MTHFD1L: variants seen among roughly 807,000 people sequenced by gnomAD.
MTHFD1L encodes monofunctional C1-tetrahydrofolate synthase, mitochondrial.
Under a neutral mutation model 119.5 loss-of-function variants are expected in MTHFD1L, and 81 were observed. The ratio of observed to expected loss-of-function variants is 0.68; its 90% CI spans 0.57 to 0.82. MTHFD1L has a LOEUF of 0.82. MTHFD1L is among the 40% of genes least tolerant of loss of function. The pLI, the probability that MTHFD1L is intolerant of heterozygous loss-of-function variation, is 0.00. For missense variants in MTHFD1L, 1,125 were observed against 1,253.4 expected, an observed-to-expected ratio of 0.90 and a Z score of 1.55; for synonymous variants, 430 against 475.2, an observed-to-expected ratio of 0.90 and a Z score of 1.24.
At chr6:150,971,351 A>G (rs929406715) in intron 19 of MTHFD1L, among the ~76,000 whole-genome samples, 1 of 152,058 alleles carries the variant, frequency 6.6e-6, no homozygotes, top group African/African-American at 2.4e-5. Context: ...ACAGGAGCAC[A>G]CCACCACACC....
At chr6:151,009,510 T>G (rs9478913) in intron 20 of MTHFD1L, among the ~76,000 whole-genome samples, 44,129 of 151,840 alleles carry the variant, frequency 0.29, 7,264 homozygotes, top group African/African-American at 0.43. Flanking sequence ...CTCCAGCCTG[T>G]GCGACAGGGC....
intron 7 of MTHFD1L, among the ~76,000 whole-genome samples, chr6:150,902,188 C>A (rs1318056689): frequency 6.6e-6 from 1 of 152,140 alleles, no homozygotes; most frequent in Non-Finnish European, 1.5e-5. Flanking sequence ...ATCTGTCCTC[C>A]CTTTCCCCCA....
At chr6:151,092,613 C>A (rs1423486718) in intron 27 of MTHFD1L, 26 bp downstream of exon 27, 1 of 1,437,396 alleles carries the variant, frequency 7.0e-7, no homozygotes, top group East Asian at 2.3e-5. Context: ...TCAACTTTTT[C>A]TCTCTTTGTT....
At chr6:151,036,011 G>A (rs1270128260) in intron 25 of MTHFD1L, among the ~76,000 whole-genome samples, 1 of 152,194 alleles carries the variant, frequency 6.6e-6, no homozygotes, top group East Asian at 1.9e-4. Flanking sequence ...CCAAGTCCAA[G>A]TCCTCCCTGA....
chr6:150,950,869 A>G (rs1794762146), intron 16 of MTHFD1L, among the ~76,000 whole-genome samples: 1 of 151,974 alleles, frequency 6.6e-6, no homozygotes, highest in Non-Finnish European at 1.5e-5. Flanking sequence ...GGGTTTCACC[A>G]TGTTGGCCAG....
chr6:150,921,264 C>T (rs1011432215), intron 9 of MTHFD1L, among the ~76,000 whole-genome samples: 6 of 151,056 alleles, frequency 4.0e-5, no homozygotes, highest in East Asian at 2.0e-4. Context: ...GGATTACAGG[C>T]GTGTGCCACC....
intron 13 of MTHFD1L, among the ~76,000 whole-genome samples, chr6:150,939,056 T>C (rs1671072938): frequency 6.6e-6 from 1 of 152,244 alleles, no homozygotes; most frequent in South Asian, 2.1e-4. Context: ...ATAAACTACA[T>C]GTAAATCACA....
chr6:150,889,459 A>G (rs990106198), intron 7 of MTHFD1L, among the ~76,000 whole-genome samples: 1 of 152,224 alleles, frequency 6.6e-6, no homozygotes, highest in African/African-American at 2.4e-5. Flanking sequence ...TAAAAACCCC[A>G]AAGTTTTTCT....
At chr6:151,078,755 A>G (rs730489) in intron 26 of MTHFD1L, among the ~76,000 whole-genome samples, 105,142 of 151,888 alleles carry the variant, frequency 0.69, 38,432 homozygotes, top group East Asian at 0.91. Flanking sequence ...CTGTTAGATG[A>G]AGTGACCTCC....
chr6:151,047,063 T>A (rs1224367344), intron 26 of MTHFD1L, among the ~76,000 whole-genome samples: 9 of 151,766 alleles, frequency 5.9e-5, no homozygotes, highest in Non-Finnish European at 1.2e-4. Context: ...CACCCGCAGA[T>A]ATCAGATTAC....
Position 150,965,350 on chromosome 6 carries a change from G to A in MTHFD1L, c.2013+313G>A, listed in dbSNP as rs113361613. ...AGTCATGTCTTGGCTTAATTGACCC[G>A]AGTAGAAACTTAGAAAGTCAATGTC... On this transcript the variant is annotated intron_variant, in intron 19 of 27. Transcript: ENST00000367321. 6.3e-3 allele frequency among the ~76,000 whole-genome samples: 957 copies of A among 152,182 alleles called. 8 individuals carry two copies. Among genetic ancestry groups the A allele is most frequent in the African/African-American group, 0.022 (910 of 41,498 alleles).
chr6:150,894,382 G>A (rs980655939), intron 7 of MTHFD1L, among the ~76,000 whole-genome samples: 2 of 152,172 alleles, frequency 1.3e-5, no homozygotes, highest in Admixed American at 1.3e-4. Flanking sequence ...CTCTCTGTCT[G>A]TGAGGTCTCC....
chr6:150,871,495 CTTTTTT>C lies in MTHFD1L; in HGVS notation c.228-4576_228-4571del, dbSNP rs149449398. ...AGTACTTGATATCAACTACTGTAAT[CTTTTTT>C]TTTTTTTTTTTTTTTTTTGAGATGG... is the stretch of plus-strand genomic sequence containing the variant. On this transcript the variant is annotated intron_variant, in intron 1 of 27. Transcript: ENST00000367321. 3.6e-3 allele frequency among the ~76,000 whole-genome samples: 367 copies of C among 102,118 alleles called. 1 individual carries two copies. The highest frequency in any genetic ancestry group is 0.013 in the African/African-American group (348 of 26,996). 67.0% of individuals were successfully genotyped at this position (102,118 alleles called of 152,430 possible). A position where few individuals can be genotyped will look rare whatever the true frequency, so the allele number is the denominator to read the frequency against.
At chr6:151,069,904 G>A (rs1791767220) in intron 26 of MTHFD1L, among the ~76,000 whole-genome samples, 1 of 152,230 alleles carries the variant, frequency 6.6e-6, no homozygotes, top group Non-Finnish European at 1.5e-5. Flanking sequence ...TTCTATTTCA[G>A]CACACAGTAA....
chr6:151,098,045 G>A (rs1318589405), intron 27 of MTHFD1L, among the ~76,000 whole-genome samples: 2 of 152,172 alleles, frequency 1.3e-5, no homozygotes, highest in Admixed American at 6.5e-5. Flanking sequence ...GTCATGGCAC[G>A]CACCTGTAAT....
intron 26 of MTHFD1L, among the ~76,000 whole-genome samples, chr6:151,060,750 G>C (rs111652582): frequency 1.9e-4 from 29 of 152,306 alleles, no homozygotes; most frequent in African/African-American, 7.0e-4. Context: ...TGTGACACTG[G>C]GCAGGAAAGC....
In MTHFD1L at chr6:150,929,637, A is replaced by G. The variant is rs17080504; in HGVS notation, c.1256+3342A>G. ...GCACGACTGCCTGGGGTTACAGCCA[A>G]TGCAGTCCATGGCCAGTAGAACATT... On this transcript the variant is annotated intron_variant, in intron 11 of 27. Coordinates refer to ENST00000367321, the MANE Select transcript of MTHFD1L (RefSeq NM_015440.5). Among the ~76,000 whole-genome samples, 1,105 of 152,342 alleles carry G rather than the reference A, an allele frequency of 7.3e-3. 54 individuals carry two copies. The East Asian group carries it at 0.14, about 19-fold the overall frequency.
At chr6:151,099,815 C>T (rs1795211820) in intron 27 of MTHFD1L, 16 of 1,603,550 alleles carry the variant, frequency 1.0e-5, no homozygotes, top group Admixed American at 3.3e-5. Flanking sequence ...CGTACTTGTG[C>T]CGAGATCGCT....
chr6:150,977,916 T>G (rs1004945358), intron 20 of MTHFD1L, among the ~76,000 whole-genome samples: 1 of 151,784 alleles, frequency 6.6e-6, no homozygotes, highest in Non-Finnish European at 1.5e-5. Context: ...TTTTTTTTTT[T>G]TTGAGATGGA....
Sources: gnomAD v4.1 joint callset for allele counts (sites outside exome capture counted in the v4.1 genomes callset) on GRCh38, gnomAD v4.1.1 for gene constraint, MANE v1.5 for transcripts, NCBI Gene and HGNC (gene_info 2026-07-23, HGNC 2026-07-21) for gene names.